Variants in PLCH1 observed in about 807,000 individuals in gnomAD.
PLCH1 encodes the protein phospholipase C eta 1.
PLCH1 carries 60 observed loss-of-function variants against 126.7 expected under a neutral mutation model. The ratio of observed to expected loss-of-function variants is 0.47; its 90% confidence interval spans 0.38 to 0.59. PLCH1 has a LOEUF of 0.59. Among genes scored for constraint, PLCH1 ranks in the 20% least tolerant of loss-of-function variants. PLCH1 has a pLI of 0.00. For missense variants in PLCH1, 1,723 were observed against 2,040.0 expected (o/e 0.84, Z 2.99); for synonymous variants, 719 against 734.9 (o/e 0.98, Z 0.35).
intron 1 of PLCH1, among the ~76,000 whole-genome samples, chr3:155,715,169 C>T (rs1305808743): frequency 6.6e-6 from 1 of 152,162 alleles, no homozygotes; most frequent in Non-Finnish European, 1.5e-5. Flanking sequence ...AACATCTATT[C>T]TCTGAATCCT....
intron 2 of PLCH1, among the ~76,000 whole-genome samples, chr3:155,605,350 C>A (rs1468259013): frequency 6.6e-6 from 1 of 152,020 alleles, no homozygotes; most frequent in Non-Finnish European, 1.5e-5. Context: ...CCTACTCTAC[C>A]CCCTCTCTAG....
At chr3:155,677,478 T>C (rs886769485) in intron 2 of PLCH1, among the ~76,000 whole-genome samples, 4 of 152,222 alleles carry the variant, frequency 2.6e-5, no homozygotes, top group African/African-American at 4.8e-5. Flanking sequence ...CAATCTACCA[T>C]ACATACATAC....
chr3:155,543,823 C>T (rs1440362537), intron 10 of PLCH1, among the ~76,000 whole-genome samples: 2 of 151,174 alleles, frequency 1.3e-5, no homozygotes, highest in Non-Finnish European at 3.0e-5. Flanking sequence ...AAATACTTTA[C>T]AGACAAGCAA....
chr3:155,653,306 C>T (rs1160708912), intron 2 of PLCH1, among the ~76,000 whole-genome samples: 2 of 152,212 alleles, frequency 1.3e-5, no homozygotes, highest in African/African-American at 4.8e-5. Context: ...GCATTGGCTA[C>T]TACACCTGAC....
chr3:155,487,950 C>T (rs1715521510), intron 21 of PLCH1, 78 bp downstream of exon 21: 25 of 938,002 alleles, frequency 2.7e-5, no homozygotes, highest in South Asian at 2.5e-4. Context: ...AATTTACATT[C>T]CTATTATGCA....
intron 21 of PLCH1, among the ~76,000 whole-genome samples, chr3:155,467,268 A>C (rs1055326632): frequency 6.6e-6 from 1 of 151,970 alleles, no homozygotes; most frequent in African/African-American, 2.4e-5. Context: ...AAAAAAAAAT[A>C]AAAAAGATAA....
chr3:155,681,057 A>G (rs543387753), intron 2 of PLCH1, among the ~76,000 whole-genome samples: 2 of 152,310 alleles, frequency 1.3e-5, no homozygotes, highest in South Asian at 4.1e-4. Flanking sequence ...AATCCTATAA[A>G]AACATATGAA....
intron 1 of PLCH1, among the ~76,000 whole-genome samples, chr3:155,731,883 T>A (rs952138494): frequency 6.6e-6 from 1 of 151,000 alleles, no homozygotes; most frequent in Non-Finnish European, 1.5e-5. Flanking sequence ...CTTCGAGGGC[T>A]GAGGTGGCAG....
chr3:155,606,062 A>T (rs1734308183), intron 2 of PLCH1, among the ~76,000 whole-genome samples: 1 of 152,212 alleles, frequency 6.6e-6, no homozygotes, highest in Admixed American at 6.5e-5. Context: ...TTTTTTAAGA[A>T]AAAAGAGCTC....
Position 155,468,003 on chromosome 3 carries a change from G to A in PLCH1, c.2938+17353C>T, listed in dbSNP as rs79253879. ...TTGTAAACTACTCTTATCCTAAGTGGAAAGACTAAATGAGGAACCAATCAA... is the reference window on the plus strand; with the variant it reads ...TTGTAAACTACTCTTATCCTAAGTGAAAAGACTAAATGAGGAACCAATCAA... On this transcript the variant is annotated intron_variant, in intron 21 of 21. Transcript: ENST00000494598. Among the ~76,000 whole-genome samples, 1,497 of 152,242 alleles carry A rather than the reference G, an allele frequency of 9.8e-3. 30 individuals are homozygous for A. Among genetic ancestry groups the A allele is most frequent in the African/African-American group, 0.034 (1,398 of 41,542 alleles).
rs144673567 is a variant in PLCH1 at position 155,606,767 on chromosome 3, C to G, written c.80-10389G>C. ...GTTGCCCACCAGCCTTGGAAAAATG[C>G]CTTTGCAACAAGATACACTGTGGAA... On this transcript the variant is annotated intron_variant, in intron 2 of 22. Coordinates refer to ENST00000460012, the MANE Select transcript of PLCH1 (RefSeq NM_014996.4). 4.2e-3 allele frequency among the ~76,000 whole-genome samples: 641 copies of G among 152,256 alleles called. 1 individual carries two copies. Among genetic ancestry groups the G allele is most frequent in the Admixed American group, 7.0e-3 (107 of 15,298 alleles).
chr3:155,640,532 G>T (rs755633383), intron 2 of PLCH1, among the ~76,000 whole-genome samples: 6 of 152,210 alleles, frequency 3.9e-5, no homozygotes, highest in African/African-American at 1.4e-4. Flanking sequence ...GAGGAAGATT[G>T]CAATTAGGAG....
chr3:155,549,327 C>T (rs908391428), intron 10 of PLCH1, among the ~76,000 whole-genome samples: 1 of 152,170 alleles, frequency 6.6e-6, no homozygotes, highest in African/African-American at 2.4e-5. Context: ...GTGAGCTCTT[C>T]TCACTTGCAT....
chr3:155,718,641 G>A (rs358724), intron 1 of PLCH1, among the ~76,000 whole-genome samples: 24,125 of 152,020 alleles, frequency 0.16, 2,684 homozygotes, highest in East Asian at 0.39. Flanking sequence ...AGGAGCAAGA[G>A]GGTGAGTGCG....
Position 155,568,218 on chromosome 3 carries a change from T to C in PLCH1, c.865+13A>G. ...ATCAAGAAATGAGAAATAAAGAATA[T>C]TGGTTATTTTACCTTCTATGCCAAG... On this transcript the variant is annotated intron_variant, in intron 7 of 22. Transcript: ENST00000460012. 9.0e-7 allele frequency: 1 copy of C among 1,106,118 alleles called. No individual in the cohort carries two copies. Among genetic ancestry groups the C allele is most frequent in the African/African-American group, 1.5e-5 (1 of 64,612 alleles). The allele number at this position is 1,106,118 out of a possible 1,614,324, so 68.5% of individuals were successfully genotyped here.
At chr3:155,544,186 A>C (rs1724842083) in intron 10 of PLCH1, among the ~76,000 whole-genome samples, 1 of 152,242 alleles carries the variant, frequency 6.6e-6, no homozygotes, top group Non-Finnish European at 1.5e-5. Context: ...AAAAGGTTGG[A>C]GGAAGATCTA....
intron 12 of PLCH1, among the ~76,000 whole-genome samples, chr3:155,511,715 A>T (rs921314215): frequency 7.0e-6 from 1 of 143,342 alleles, no homozygotes; most frequent in African/African-American, 2.7e-5. Context: ...CCGTTCTCAG[A>T]TCTCCAGCTG....
At chr3:155,523,684 A>C (rs549088389) in intron 11 of PLCH1, among the ~76,000 whole-genome samples, 1 of 152,352 alleles carries the variant, frequency 6.6e-6, no homozygotes, top group South Asian at 2.1e-4. Context: ...AATCACTAAA[A>C]TTCCTTCCAA....
intron 7 of PLCH1, among the ~76,000 whole-genome samples, chr3:155,566,196 C>T (rs1210275744): frequency 1.6e-5 from 1 of 63,796 alleles, no homozygotes; most frequent in South Asian, 3.7e-4. Flanking sequence ...TATATATACA[C>T]ATACATATAT....
Sources: gnomAD v4.1 joint callset for allele counts (sites outside exome capture counted in the v4.1 genomes callset) on GRCh38, gnomAD v4.1.1 for gene constraint, MANE v1.5 for transcripts, NCBI Gene and HGNC (gene_info 2026-07-23, HGNC 2026-07-21) for gene names.